Variants in RBMS3 observed in about 807,000 individuals in gnomAD.
The protein encoded by RBMS3 is RNA-binding motif, single-stranded-interacting protein 3.
A neutral mutation model predicts 66.8 loss-of-function variants in RBMS3; 27 were observed. That is an observed-to-expected ratio of 0.40 (90% confidence interval 0.30 to 0.56). RBMS3 has a LOEUF of 0.56. Ranked by LOEUF, RBMS3 falls within the 20% of genes least tolerant of loss-of-function variation. RBMS3 has a pLI of 0.40. For synonymous variants in RBMS3, 188 were observed against 183.0 expected, an observed-to-expected ratio of 1.03 and a Z score of -0.22; for missense variants, 513 against 549.5, an observed-to-expected ratio of 0.93 and a Z score of 0.66.
At chr3:29,599,408 AG>A (rs1343622536) in intron 4 of RBMS3, among the ~76,000 whole-genome samples, 1 of 151,922 alleles carries the variant, frequency 6.6e-6, no homozygotes, top group Non-Finnish European at 1.5e-5. Context: ...TAAAAAAAAA[AG>A]ATAAATCTAA....
At position 29,884,462 on chromosome 3, in the gene RBMS3, CTCT is replaced by C. The variant is rs1559767294; in HGVS notation, c.791+255_791+257del. ...TCTCTCTCTCTCTCTCTCTCTCTCTCTCTCTCTCCCCCCCCGCTCCCTCCCTCC... is the reference window on the plus strand; with the variant it reads ...TCTCTCTCTCTCTCTCTCTCTCTCTCCTCTCCCCCCCCGCTCCCTCCCTCC... On this transcript the variant is annotated intron_variant, in intron 8 of 14. Transcript: ENST00000383767. 6.3e-4 allele frequency among the ~76,000 whole-genome samples: 86 copies of C among 135,574 alleles called. 2 individuals are homozygous for C. The highest frequency in any genetic ancestry group is 2.3e-3 in the African/African-American group (83 of 35,938). The allele number at this position is 135,574 out of a possible 152,430, so 88.9% of individuals were successfully genotyped here. A position where few individuals can be genotyped will look rare whatever the true frequency, so the allele number is the denominator to read the frequency against.
intron 14 of RBMS3, among the ~76,000 whole-genome samples, chr3:30,002,547 A>T (rs1348053285): frequency 1.3e-5 from 2 of 151,810 alleles, no homozygotes; most frequent in Non-Finnish European, 2.9e-5. Context: ...CACTAATAAA[A>T]TTTTTTCTTA....
At chr3:29,657,542 A>C (rs2050369557) in intron 4 of RBMS3, among the ~76,000 whole-genome samples, 1 of 152,230 alleles carries the variant, frequency 6.6e-6, no homozygotes, top group South Asian at 2.1e-4. Context: ...TTCCTTAGGA[A>C]TGTCCTGGTG....
At chr3:29,911,778 T>G (rs2060520621) in intron 10 of RBMS3, among the ~76,000 whole-genome samples, 1 of 152,036 alleles carries the variant, frequency 6.6e-6, no homozygotes, top group African/African-American at 2.4e-5. Context: ...ATACCAGAAC[T>G]TATATGTCTA....
intron 1 of RBMS3, among the ~76,000 whole-genome samples, chr3:29,286,823 C>G (rs1381198591): frequency 1.3e-5 from 2 of 151,626 alleles, no homozygotes; most frequent in Non-Finnish European, 2.9e-5. Flanking sequence ...AAAATCAAAC[C>G]AAAACAACAA....
At chr3:29,648,422 G>A (rs1290172576) in intron 4 of RBMS3, among the ~76,000 whole-genome samples, 6 of 151,384 alleles carry the variant, frequency 4.0e-5, no homozygotes, top group Admixed American at 1.3e-4. Flanking sequence ...ACAGGTGTGC[G>A]CCACTACACC....
chr3:29,373,597 A>G (rs538719764), intron 1 of RBMS3, among the ~76,000 whole-genome samples: 1 of 152,348 alleles, frequency 6.6e-6, no homozygotes, highest in African/African-American at 2.4e-5. Flanking sequence ...TCAGTGGTTA[A>G]GGTCCTTATG....
intron 2 of RBMS3, among the ~76,000 whole-genome samples, chr3:29,486,574 A>G (rs1437104237): frequency 6.6e-6 from 1 of 152,192 alleles, no homozygotes; most frequent in Non-Finnish European, 1.5e-5. Flanking sequence ...TTTATAAAAA[A>G]GTTACTTGTC....
At chr3:29,801,260 A>ATTGCTTTT (rs1399083803) in intron 6 of RBMS3, among the ~76,000 whole-genome samples, 2 of 98,206 alleles carry the variant, frequency 2.0e-5, no homozygotes, top group African/African-American at 7.9e-5. Flanking sequence ...TTGAAGAATC[A>ATTGCTTTT]TTGCTTTTTT....
intron 6 of RBMS3, among the ~76,000 whole-genome samples, chr3:29,800,373 T>G (rs2057351313): frequency 6.6e-6 from 1 of 152,194 alleles, no homozygotes; most frequent in South Asian, 2.1e-4. Flanking sequence ...AAGTATTCCC[T>G]TTAAATAAAC....
At position 29,993,708 on chromosome 3, in the gene RBMS3, T is replaced by C. The variant is rs188059155; in HGVS notation, c.1307+2499T>C. Among the ~76,000 whole-genome samples, 120 of 152,296 alleles carry C rather than the reference T, an allele frequency of 7.9e-4. 1 individual carries two copies. Among genetic ancestry groups the C allele is most frequent in the Non-Finnish European group, 5.0e-4 (34 of 68,028 alleles). ...TGCCTTTGAACTTAAACAAAAATAT[T>C]GGTTCTTCTTAGATCTTGAGCCTGC... On this transcript the variant is annotated intron_variant, in intron 14 of 14. Coordinates refer to ENST00000383767, the MANE Select transcript of RBMS3 (RefSeq NM_001003793.3).
At chr3:29,658,110 A>AT (rs2050389987) in intron 4 of RBMS3, among the ~76,000 whole-genome samples, 1 of 152,150 alleles carries the variant, frequency 6.6e-6, no homozygotes, top group Non-Finnish European at 1.5e-5. Flanking sequence ...TCTGAAACTT[A>AT]TTTTCCTGTT....
At chr3:29,300,891 CA>C (rs1002115922) in intron 1 of RBMS3, among the ~76,000 whole-genome samples, 1 of 151,712 alleles carries the variant, frequency 6.6e-6, no homozygotes, top group Non-Finnish European at 1.5e-5. Context: ...TAGTATTTTA[CA>C]AAAGGCAATG....
intron 12 of RBMS3, among the ~76,000 whole-genome samples, chr3:29,954,159 A>T (rs1695873325): frequency 1.3e-5 from 2 of 151,504 alleles, no homozygotes; most frequent in Non-Finnish European, 1.5e-5. Context: ...TGGTCTTATG[A>T]CACCTTGCTT....
intron 4 of RBMS3, among the ~76,000 whole-genome samples, chr3:29,657,081 C>G (rs75813145): frequency 0.021 from 3,122 of 152,228 alleles, 79 homozygotes; most frequent in Admixed American, 0.062. Context: ...CTCACATTTC[C>G]TAGGCTAGAA....
At chr3:29,423,374 C>A (rs564867099) in intron 1 of RBMS3, among the ~76,000 whole-genome samples, 1 of 152,106 alleles carries the variant, frequency 6.6e-6, no homozygotes, top group Non-Finnish European at 1.5e-5. Flanking sequence ...TTACTTCCTA[C>A]AAATCTTTTA....
In RBMS3 at chr3:29,305,870, C is replaced by A. The variant is rs148391814; in HGVS notation, c.75+24114C>A. Among the ~76,000 whole-genome samples, 21 of 152,026 alleles carry A rather than the reference C, an allele frequency of 1.4e-4. No individual in the cohort carries two copies. The East Asian group carries it at 1.8e-3, about 13-fold the overall frequency. On this transcript the variant is annotated intron_variant, in intron 1 of 14. Transcript: ENST00000383767. ...AAGTTTGTGCTTTATTTTAAAACTA[C>A]CTGAAGGAAGTTATCAAAATAGTAA...
rs763917777 is a variant in RBMS3, at chr3:29,482,685, T to TTTTC, written c.249-5740_249-5737dup. Among the ~76,000 whole-genome samples, 346 of 130,656 alleles carry TTTTC rather than the reference T, an allele frequency of 2.6e-3. 9 individuals are homozygous for TTTTC. Among genetic ancestry groups the TTTTC allele is most frequent in the African/African-American group, 9.4e-3 (303 of 32,138 alleles). 85.7% of individuals were successfully genotyped at this position (130,656 alleles called of 152,430 possible). On this transcript the variant is annotated intron_variant, in intron 2 of 14. Transcript: ENST00000383767. The stretch of plus-strand genomic sequence containing the variant: ...CTCTGAAAAAGTACACAGTCTACCA[T>TTTTC]TTTCTTTCTTTCTTTCTTTTTTTTT...
intron 3 of RBMS3, among the ~76,000 whole-genome samples, chr3:29,538,545 A>G (rs1182536518): frequency 1.3e-5 from 2 of 152,198 alleles, no homozygotes; most frequent in Non-Finnish European, 2.9e-5. Context: ...AGATGTTCTT[A>G]ATTTGTTTAA....
Sources: allele counts gnomAD v4.1 joint callset (sites outside exome capture counted in the v4.1 genomes callset), GRCh38; gene constraint gnomAD v4.1.1; transcripts MANE v1.5; gene names NCBI Gene and HGNC (gene_info 2026-07-23, HGNC 2026-07-21).